PAFAH1B1: variants seen among roughly 807,000 people sequenced by gnomAD.
PAFAH1B1 encodes the protein platelet-activating factor acetylhydrolase IB subunit beta.
In PAFAH1B1, 2 loss-of-function variants were observed where a neutral mutation model predicts 57.5. The observed-to-expected ratio is 0.03, with a 90% CI of 0.01 to 0.11. The LOEUF is 0.11. Ranked by LOEUF, PAFAH1B1 falls within the 10% of genes least tolerant of loss-of-function variation. PAFAH1B1 has a pLI of 1.00. For missense variants in PAFAH1B1, 257 were observed against 512.0 expected (o/e 0.50, Z 4.81); for synonymous variants, 152 against 169.6 (o/e 0.90, Z 0.81).
In PAFAH1B1 at chr17:2,685,107, C is replaced by T; in HGVS notation, c.*3305C>T. 7.1e-6 allele frequency: 1 copy of T among 140,190 alleles called. No homozygotes were observed. Among genetic ancestry groups the T allele is most frequent in the Non-Finnish European group, 1.5e-5 (1 of 67,002 alleles). The allele number at this position is 140,190 out of a possible 1,614,324, so 8.7% of individuals were successfully genotyped here. A position where few individuals can be genotyped will look rare whatever the true frequency, so the allele number is the denominator to read the frequency against. ...TTCATCTAGATGACGCAAAGAATCT[C>T]CTGGTAGAGAAGCGACATGTAAAAA... On this transcript the variant is annotated 3_prime_UTR_variant, in exon 11 of 11. Transcript: ENST00000397195.
At chr17:2,664,902 T>C (rs2151658753) in intron 2 of PAFAH1B1, among the ~76,000 whole-genome samples, 1 of 152,284 alleles carries the variant, frequency 6.6e-6, no homozygotes, top group African/African-American at 2.4e-5. Flanking sequence ...TGGTTCAAAG[T>C]TATTTCTAAT....
chr17:2,597,403 CTTTTTTTT>C (rs1187594089), intron 1 of PAFAH1B1, among the ~76,000 whole-genome samples: 3 of 64,350 alleles, frequency 4.7e-5, no homozygotes, highest in South Asian at 6.4e-4. Context: ...ACATCCGTGT[CTTTTTTTT>C]TTTTTTTTTT....
Position 2,683,166 on chromosome 17 carries a change from A to G in PAFAH1B1, c.*1364A>G, listed in dbSNP as rs2069411904. The G allele has an allele frequency of 6.6e-6, 1 of 152,158 alleles. No homozygotes were observed. The highest frequency in any genetic ancestry group is 1.9e-4 in the East Asian group (1 of 5,202). 9.4% of individuals were successfully genotyped at this position (152,158 alleles called of 1,614,324 possible). A position where few individuals can be genotyped will look rare whatever the true frequency, so the allele number is the denominator to read the frequency against. Reference sequence around the variant, plus strand: ...TCCCCCTCTAATTTAGCCGCTCGACATTTTACACAACCCGGATATGTTGTA... The same window carrying G: ...TCCCCCTCTAATTTAGCCGCTCGACGTTTTACACAACCCGGATATGTTGTA... On this transcript the variant is annotated 3_prime_UTR_variant, in exon 11 of 11. Transcript: ENST00000397195.
At chr17:2,643,196 G>A (rs1267175735) in intron 2 of PAFAH1B1, among the ~76,000 whole-genome samples, 1 of 152,056 alleles carries the variant, frequency 6.6e-6, no homozygotes, top group African/African-American at 2.4e-5. Flanking sequence ...GGGCTAAAGC[G>A]ATTGTTACAC....
At chr17:2,642,760 T>G (rs2068713285) in intron 2 of PAFAH1B1, among the ~76,000 whole-genome samples, 1 of 152,218 alleles carries the variant, frequency 6.6e-6, no homozygotes, top group Admixed American at 6.5e-5. Context: ...AATAGGTTAC[T>G]TAGAATTTGT....
chr17:2,652,460 A>T lies in PAFAH1B1; in HGVS notation c.33-12912A>T, dbSNP rs928917300. 2.6e-5 allele frequency among the ~76,000 whole-genome samples: 4 copies of T among 152,240 alleles called. No individual in the cohort carries two copies. The South Asian group carries it at 8.3e-4, about 31-fold the overall frequency. ...CAAAAACATTTCTCCATGTGTTTTCATGACTGTGATATATTTTTAAGCATT... is the reference window on the plus strand; with the variant it reads ...CAAAAACATTTCTCCATGTGTTTTCTTGACTGTGATATATTTTTAAGCATT... On this transcript the variant is annotated intron_variant, in intron 2 of 10. Coordinates refer to ENST00000397195, the MANE Select transcript of PAFAH1B1 (RefSeq NM_000430.4).
intron 2 of PAFAH1B1, among the ~76,000 whole-genome samples, chr17:2,648,218 A>G (rs1034446919): frequency 3.3e-5 from 5 of 152,122 alleles, no homozygotes; most frequent in Non-Finnish European, 4.4e-5. Context: ...TCATGAGAAC[A>G]GCATGGGGGA....
At chr17:2,667,721 T>A (rs1352510666) in intron 5 of PAFAH1B1, among the ~76,000 whole-genome samples, 1 of 151,980 alleles carries the variant, frequency 6.6e-6, no homozygotes, top group South Asian at 2.1e-4. Flanking sequence ...TAAATTGGGC[T>A]TTCCTTGATG....
intron 9 of PAFAH1B1, among the ~76,000 whole-genome samples, chr17:2,678,692 C>G (rs1253366772): frequency 1.3e-5 from 2 of 152,142 alleles, no homozygotes; most frequent in Non-Finnish European, 2.9e-5. Flanking sequence ...CCAGCCTGAG[C>G]AACATAACAA....
chr17:2,623,978 C>A (rs563761858), intron 1 of PAFAH1B1, among the ~76,000 whole-genome samples: 1 of 152,316 alleles, frequency 6.6e-6, no homozygotes, highest in Non-Finnish European at 1.5e-5. Context: ...TTTTCAAACA[C>A]CCAGGTCACC....
chr17:2,618,991 T>C, intron 1 of PAFAH1B1, among the ~76,000 whole-genome samples: 1 of 147,552 alleles, frequency 6.8e-6, no homozygotes, highest in African/African-American at 2.5e-5. Flanking sequence ...AGAGCAACAG[T>C]CATATAACAC....
rs572690514 is a variant in PAFAH1B1 at position 2,678,234 on chromosome 17, G to A, written c.1002+1628G>A. Among the ~76,000 whole-genome samples, 6 of 151,668 alleles carry A rather than the reference G, an allele frequency of 4.0e-5. No individual in the cohort carries two copies. In the South Asian group the frequency reaches 1.0e-3, roughly 26 times the overall value. ...CTGACCAACATGGAGGAACCCCATCGCTGCTAAAAACACAAAATTAGCCAG... is the reference window on the plus strand; with the variant it reads ...CTGACCAACATGGAGGAACCCCATCACTGCTAAAAACACAAAATTAGCCAG... On this transcript the variant is annotated intron_variant, in intron 9 of 10. Transcript: ENST00000397195.
chr17:2,666,568 C>CTT (rs2069108544), intron 4 of PAFAH1B1, among the ~76,000 whole-genome samples: 1 of 152,014 alleles, frequency 6.6e-6, no homozygotes, highest in Non-Finnish European at 1.5e-5. Context: ...TAGAAAAATG[C>CTT]TTAGCACATA....
intron 1 of PAFAH1B1, among the ~76,000 whole-genome samples, chr17:2,622,458 G>C (rs1194845494): frequency 1.3e-5 from 2 of 152,180 alleles, no homozygotes; most frequent in African/African-American, 4.8e-5. Flanking sequence ...TGCAAGTCCA[G>C]AATCCAGCGG....
At chr17:2,648,139 G>A (rs1384733907) in intron 2 of PAFAH1B1, among the ~76,000 whole-genome samples, 3 of 152,260 alleles carry the variant, frequency 2.0e-5, no homozygotes, top group African/African-American at 7.2e-5. Context: ...TGGCAGAAAG[G>A]AGAAGAATGA....
At position 2,625,062 on chromosome 17, in the gene PAFAH1B1, G is replaced by C. The variant is rs114126192; in HGVS notation, c.-190-13037G>C. ...AACTCTTCCACTTTCTCTTTTTGTG[G>C]TGGGGTACTTACCCTAGCAATAAAC... On this transcript the variant is annotated intron_variant, in intron 1 of 10. Coordinates refer to ENST00000397195, the MANE Select transcript of PAFAH1B1 (RefSeq NM_000430.4). 9.8e-3 allele frequency among the ~76,000 whole-genome samples: 1,467 copies of C among 149,324 alleles called. 19 individuals carry two copies. Among genetic ancestry groups the C allele is most frequent in the African/African-American group, 0.034 (1,366 of 40,478 alleles).
intron 2 of PAFAH1B1, among the ~76,000 whole-genome samples, chr17:2,650,602 T>TG: frequency 7.4e-6 from 1 of 135,026 alleles, no homozygotes; most frequent in East Asian, 2.2e-4. Flanking sequence ...CTTGCGCCAC[T>TG]GCACTCCAGC....
intron 2 of PAFAH1B1, among the ~76,000 whole-genome samples, chr17:2,639,130 C>T (rs760545683): frequency 6.7e-6 from 1 of 150,294 alleles, no homozygotes; most frequent in Non-Finnish European, 1.5e-5. Flanking sequence ...AATCTCCTGA[C>T]CTCGTGATCC....
rs371320944 is a variant in PAFAH1B1, at chr17:2,675,622, C to T, written c.901-883C>T. Among the ~76,000 whole-genome samples, 210 of 144,210 alleles carry T rather than the reference C, an allele frequency of 1.5e-3. 1 individual carries two copies. The highest frequency in any genetic ancestry group is 5.0e-3 in the African/African-American group (200 of 40,046). The allele number at this position is 144,210 out of a possible 152,430, so 94.6% of individuals were successfully genotyped here. On this transcript the variant is annotated intron_variant, in intron 8 of 10. Transcript: ENST00000397195. ...TTTGAGCAACATAGCGAGACCCCGT[C>T]TCTACAGAAAACTTTTTTTTTTTTT...
Sources: allele counts gnomAD v4.1 joint callset (sites outside exome capture counted in the v4.1 genomes callset), GRCh38; gene constraint gnomAD v4.1.1; transcripts MANE v1.5; gene names NCBI Gene and HGNC (gene_info 2026-07-23, HGNC 2026-07-21).